The following SIPA1L3 variants were observed in gnomAD, a reference collection of about 807,000 sequenced individuals.
The protein encoded by SIPA1L3 is signal induced proliferation associated 1 like 3, also known as signal-induced proliferation-associated 1-like protein 3.
SIPA1L3 carries 59 observed loss-of-function variants against 150.1 expected under a neutral mutation model. That is an observed-to-expected ratio of 0.39 (90% CI 0.32 to 0.49). The LOEUF is 0.49. Among genes scored for constraint, SIPA1L3 ranks in the 20% least tolerant of loss-of-function variants. The pLI is 0.86. For synonymous variants in SIPA1L3, 1,070 were observed against 1,077.6 expected (o/e 0.99, Z 0.14); for missense variants, 2,211 against 2,489.5 (o/e 0.89, Z 2.38).
intron 1 of SIPA1L3, among the ~76,000 whole-genome samples, chr19:38,019,753 C>T (rs937518005): frequency 2.6e-5 from 4 of 152,078 alleles, no homozygotes; most frequent in Non-Finnish European, 5.9e-5. Flanking sequence ...TGTCAAGGAG[C>T]ATCAGTTCAA....
chr19:37,996,980 A>C (rs1967650189), intron 1 of SIPA1L3, among the ~76,000 whole-genome samples: 1 of 151,688 alleles, frequency 6.6e-6, no homozygotes. Context: ...TACAGGCGTG[A>C]GCCACCGTGC....
intron 1 of SIPA1L3, among the ~76,000 whole-genome samples, chr19:38,026,243 G>T (rs576029556): frequency 6.6e-6 from 1 of 152,288 alleles, no homozygotes; most frequent in South Asian, 2.1e-4. Context: ...CTCTGAAGCA[G>T]CCCCTAGCAG....
intron 1 of SIPA1L3, among the ~76,000 whole-genome samples, chr19:37,997,658 A>G (rs1378714503): frequency 6.7e-6 from 1 of 150,280 alleles, no homozygotes; most frequent in Non-Finnish European, 1.5e-5. Flanking sequence ...CACGAGGTCA[A>G]GAGATCGAGA....
chr19:38,104,798 T>C (rs1442457724), intron 6 of SIPA1L3, among the ~76,000 whole-genome samples: 1 of 149,324 alleles, frequency 6.7e-6, no homozygotes, highest in South Asian at 2.1e-4. Context: ...CTTGAACTCC[T>C]GACCTCAGGT....
At chr19:37,956,640 T>C (rs353430) in intron 1 of SIPA1L3, among the ~76,000 whole-genome samples, 43,301 of 151,844 alleles carry the variant, frequency 0.29, 7,361 homozygotes, top group East Asian at 0.62. Flanking sequence ...CACGCCACCA[T>C]GCCCAGCTAA....
chr19:37,994,745 CT>C (rs1967591030), intron 1 of SIPA1L3, among the ~76,000 whole-genome samples: 1 of 152,150 alleles, frequency 6.6e-6, no homozygotes, highest in African/African-American at 2.4e-5. Flanking sequence ...ACTTCCCATG[CT>C]TGATGGCATT....
chr19:37,945,117 T>C (rs904608933), intron 1 of SIPA1L3, among the ~76,000 whole-genome samples: 1 of 152,226 alleles, frequency 6.6e-6, no homozygotes, highest in African/African-American at 2.4e-5. Flanking sequence ...GTATCTCATG[T>C]ACTGCTTATT....
intron 8 of SIPA1L3, among the ~76,000 whole-genome samples, chr19:38,112,209 A>T (rs1970779089): frequency 6.6e-6 from 1 of 150,962 alleles, no homozygotes; most frequent in Admixed American, 6.6e-5. Flanking sequence ...AGGCACGCAT[A>T]AACACATGCA....
chr19:38,154,607 C>T (rs1331157085), intron 13 of SIPA1L3, among the ~76,000 whole-genome samples: 1 of 152,094 alleles, frequency 6.6e-6, no homozygotes, highest in Non-Finnish European at 1.5e-5. Context: ...GCCACCACAC[C>T]TGGCTAATTT....
intron 12 of SIPA1L3, among the ~76,000 whole-genome samples, chr19:38,144,164 A>G (rs916858317): frequency 6.6e-6 from 1 of 152,140 alleles, no homozygotes; most frequent in Non-Finnish European, 1.5e-5. Flanking sequence ...ACTGCCCCCC[A>G]ATTCCTGTGT....
chr19:38,158,044 C>T (rs1185999857), intron 13 of SIPA1L3, among the ~76,000 whole-genome samples: 7 of 152,286 alleles, frequency 4.6e-5, no homozygotes, highest in African/African-American at 1.7e-4. Context: ...AGTTCGAGAG[C>T]AGCCTGGCCA....
chr19:38,177,734 A>G (rs1349865211), intron 15 of SIPA1L3, among the ~76,000 whole-genome samples: 1 of 150,088 alleles, frequency 6.7e-6, no homozygotes, highest in Non-Finnish European at 1.5e-5. Flanking sequence ...GATCATAAGG[A>G]TATGCTTGCG....
chr19:37,994,104 G>T (rs894047051), intron 1 of SIPA1L3, among the ~76,000 whole-genome samples: 2 of 152,006 alleles, frequency 1.3e-5, no homozygotes, highest in African/African-American at 4.8e-5. Flanking sequence ...GTCTCGCTTT[G>T]TTGTCCAGAC....
At chr19:38,034,550 G>A (rs1481375505) in intron 2 of SIPA1L3, among the ~76,000 whole-genome samples, 2 of 152,126 alleles carry the variant, frequency 1.3e-5, no homozygotes, top group Non-Finnish European at 2.9e-5. Context: ...CAGGGGACCA[G>A]GCTGCTCACT....
chr19:38,114,904 C>G (rs532894158), intron 8 of SIPA1L3, among the ~76,000 whole-genome samples: 55 of 152,332 alleles, frequency 3.6e-4, no homozygotes, highest in Admixed American at 1.1e-3. Context: ...CCTGTCCTCC[C>G]GTCCATTCTT....
At chr19:38,187,007 C>CAAAAA (rs1046528016) in intron 16 of SIPA1L3, among the ~76,000 whole-genome samples, 4 of 80,296 alleles carry the variant, frequency 5.0e-5, no homozygotes, top group African/African-American at 1.3e-4. Flanking sequence ...AACTCTGTCT[C>CAAAAA]AAAAAAAAAA....
chr19:37,938,211 G>A (rs1484717841), intron 1 of SIPA1L3, among the ~76,000 whole-genome samples: 1 of 152,102 alleles, frequency 6.6e-6, no homozygotes, highest in Middle Eastern at 3.2e-3. Flanking sequence ...CCATGTTTTT[G>A]TTTTAGGCAT....
intron 11 of SIPA1L3, 140 bp from the exon 12 acceptor site, chr19:38,142,433 G>A (rs1422789800): frequency 2.2e-6 from 2 of 893,388 alleles, no homozygotes; most frequent in Non-Finnish European, 3.4e-6. Context: ...TAGCAGAAGG[G>A]ATGTGGCTGG....
intron 1 of SIPA1L3, among the ~76,000 whole-genome samples, chr19:37,976,914 A>C (rs761054316): frequency 5.3e-5 from 8 of 152,188 alleles, no homozygotes; most frequent in Non-Finnish European, 1.0e-4. Flanking sequence ...AGCTCACTGC[A>C]GCCTCAACCT....
Sources: allele counts gnomAD v4.1 joint callset (sites outside exome capture counted in the v4.1 genomes callset), GRCh38; gene constraint gnomAD v4.1.1; transcripts MANE v1.5; gene names NCBI Gene and HGNC (gene_info 2026-07-23, HGNC 2026-07-21).